The following MSN variants were observed in gnomAD, a reference collection of about 807,000 sequenced individuals.
MSN encodes moesin.
MSN carries 2 observed loss-of-function variants against 48.0 expected under a neutral mutation model. The observed-to-expected ratio is 0.04, with a 90% CI of 0.02 to 0.13. The LOEUF (loss-of-function observed/expected upper bound fraction) is 0.13. MSN is among the 10% of genes least tolerant of loss of function. MSN has a pLI of 1.00. For synonymous variants in MSN, 146 were observed against 166.9 expected (o/e 0.87, Z 0.97); for missense variants, 267 against 470.1 (o/e 0.57, Z 3.99).
intron 1 of MSN, among the ~76,000 whole-genome samples, chrX:65,627,521 G>C (rs956010907): frequency 4.5e-5 from 5 of 110,784 alleles, no homozygotes; most frequent in African/African-American, 1.6e-4. Flanking sequence ...CTTTTCCACT[G>C]TCATGAAAAT....
intron 1 of MSN, among the ~76,000 whole-genome samples, chrX:65,642,530 CTG>C (rs2070665318): frequency 8.9e-6 from 1 of 112,038 alleles, no homozygotes; most frequent in African/African-American, 3.2e-5. Flanking sequence ...AAGTGACAAA[CTG>C]GAGTCTGTCC....
chrX:65,701,820 T>C (rs1015874289), intron 1 of MSN, among the ~76,000 whole-genome samples: 4 of 111,403 alleles, frequency 3.6e-5, no homozygotes, highest in African/African-American at 1.3e-4. Flanking sequence ...ACAGAGACAT[T>C]ACTTTAGTGC....
In MSN at chrX:65,613,003, G is replaced by A. The variant is rs777753308; in HGVS notation, c.-22+24391G>A. Among the ~76,000 whole-genome samples the A allele has an allele frequency of 3.7e-3, 410 of 111,156 alleles. 1 individual carries two copies. The highest frequency in any genetic ancestry group is 6.0e-3 in the Non-Finnish European group (319 of 52,930). ...CCCATCAACTCGCCATCTACGTTAG[G>A]TATTTCTCCTAATGTTATCCCTCCC... On this transcript the variant is annotated intron_variant, in intron 1 of 3. Transcript: ENST00000609672.
chrX:65,653,839 C>A lies in MSN; in HGVS notation c.-21-62979C>A, dbSNP rs968018094. ...CCCAGGCTGGAGTGTAGTGGCGCGA[C>A]CTCGGCTGACTGCAACCTCCACCTC... On this transcript the variant is annotated intron_variant, in intron 1 of 3. Transcript: ENST00000609672. Among the ~76,000 whole-genome samples the A allele has an allele frequency of 3.7e-5, 4 of 108,236 alleles. No homozygotes were observed. In the Admixed American group the frequency reaches 4.0e-4, roughly 11 times the overall value. The allele number at this position is 108,236 out of a possible 115,157, so 94.0% of individuals were successfully genotyped here. A position where few individuals can be genotyped will look rare whatever the true frequency, so the allele number is the denominator to read the frequency against.
intron 1 of MSN, among the ~76,000 whole-genome samples, chrX:65,629,330 G>A (rs773368063): frequency 1.8e-5 from 2 of 111,551 alleles, no homozygotes; most frequent in Non-Finnish European, 3.8e-5. Context: ...ATCACTATCA[G>A]CATTTTTGTC....
At chrX:65,656,940 G>A (rs1191814704) in intron 1 of MSN, among the ~76,000 whole-genome samples, 1 of 112,063 alleles carries the variant, frequency 8.9e-6, no homozygotes, top group Non-Finnish European at 1.9e-5. Context: ...TGCCAATTCT[G>A]AGCACACATG....
chrX:65,653,003 A>G (rs141267187), intron 1 of MSN, among the ~76,000 whole-genome samples: 2 of 112,131 alleles, frequency 1.8e-5, no homozygotes, highest in Non-Finnish European at 3.8e-5. Flanking sequence ...GATACTCAGA[A>G]TAAATGGCTG....
chrX:65,676,276 C>T (rs2070997875), intron 1 of MSN, among the ~76,000 whole-genome samples: 1 of 111,446 alleles, frequency 9.0e-6, no homozygotes, highest in South Asian at 3.7e-4. Flanking sequence ...TTTGTCTGTG[C>T]CTAATGACAC....
At chrX:65,677,797 G>T (rs1387288410) in intron 1 of MSN, among the ~76,000 whole-genome samples, 2 of 110,435 alleles carry the variant, frequency 1.8e-5, no homozygotes, top group Non-Finnish European at 3.8e-5. Flanking sequence ...AAATGGAAAA[G>T]AACAAACCCC....
At chrX:65,621,287 A>G (rs1287195646) in intron 1 of MSN, among the ~76,000 whole-genome samples, 1 of 111,912 alleles carries the variant, frequency 8.9e-6, no homozygotes, top group Admixed American at 9.6e-5. Flanking sequence ...ATTTTTGTAC[A>G]TGGTGTCAGA....
At chrX:65,718,783 A>G (rs1398915714) in intron 2 of MSN, among the ~76,000 whole-genome samples, 1 of 102,658 alleles carries the variant, frequency 9.7e-6, no homozygotes, top group African/African-American at 3.9e-5. Context: ...ACGCCACTGT[A>G]CTCCAGCCTA....
At chrX:65,639,992 G>GCT (rs2070636573) in intron 1 of MSN, among the ~76,000 whole-genome samples, 1 of 111,730 alleles carries the variant, frequency 9.0e-6, no homozygotes, top group East Asian at 2.8e-4. Context: ...CCCAGTGAAT[G>GCT]AGACCAGAAA....
rs1173565285 is a variant in MSN at position 65,588,547 on chromosome X, C to A, written c.-87C>A. ...CACACCACCCATCAGCCACCTCCAGCCCCGCCGCTCAACCAGCCATCAGTC... is the reference window on the plus strand; with the variant it reads ...CACACCACCCATCAGCCACCTCCAGACCCGCCGCTCAACCAGCCATCAGTC... On this transcript the variant is annotated 5_prime_UTR_variant, in exon 1 of 4. Transcript: ENST00000609672. 9 of 805,530 alleles carry A rather than the reference C, an allele frequency of 1.1e-5. No individual in the cohort carries two copies. The East Asian group carries it at 2.8e-4, about 25-fold the overall frequency. The allele number at this position is 805,530 out of a possible 1,213,427, so 66.4% of individuals were successfully genotyped here.
chrX:65,624,948 G>A (rs2070492016), intron 1 of MSN: 1 of 111,750 alleles, frequency 8.9e-6, no homozygotes, highest in Admixed American at 9.5e-5. Context: ...TCTAATCAGT[G>A]TCTTCACTTT....
At chrX:65,705,625 T>G (rs146619868) in intron 1 of MSN, among the ~76,000 whole-genome samples, 148 of 112,100 alleles carry the variant, frequency 1.3e-3, no homozygotes, top group African/African-American at 4.6e-3. Flanking sequence ...TGTTTCTGAT[T>G]TTTTTCTTTC....
intron 1 of MSN, among the ~76,000 whole-genome samples, chrX:65,606,529 TCTC>T (rs2070280928): frequency 9.0e-6 from 1 of 111,655 alleles, no homozygotes. Flanking sequence ...TTCAAGCTAT[TCTC>T]CTGCCTCAGC....
At chrX:65,737,045 A>C in intron 9 of MSN, 120 bp downstream of exon 9, 1 of 1,115,386 alleles carries the variant, frequency 9.0e-7, no homozygotes. Flanking sequence ...AGACTAGAAG[A>C]AGAATGGGCA....
intron 2 of MSN, among the ~76,000 whole-genome samples, chrX:65,726,828 G>C (rs2071572211): frequency 9.0e-6 from 1 of 111,477 alleles, no homozygotes; most frequent in African/African-American, 3.3e-5. Context: ...ACCTCATTAG[G>C]ATGTGGCTCA....
chrX:65,656,225 A>T (rs990772888), intron 1 of MSN, among the ~76,000 whole-genome samples: 4 of 110,475 alleles, frequency 3.6e-5, no homozygotes, highest in African/African-American at 1.3e-4. Context: ...TATAGTGTTT[A>T]CCTAAGGCAG....
Sources: allele counts gnomAD v4.1 joint callset (sites outside exome capture counted in the v4.1 genomes callset), GRCh38; gene constraint gnomAD v4.1.1; transcripts MANE v1.5; gene names NCBI Gene and HGNC (gene_info 2026-07-23, HGNC 2026-07-21).